The following UNC13C variants were observed in gnomAD, a reference collection of about 807,000 sequenced individuals.
UNC13C encodes the protein protein unc-13 homolog C.
Under a neutral mutation model 245.4 loss-of-function variants are expected in UNC13C, and 174 were observed. That is an observed-to-expected ratio of 0.71 (90% CI 0.63 to 0.80). UNC13C has a LOEUF of 0.80. UNC13C is among the 30% of genes least tolerant of loss of function. The pLI, the probability that UNC13C is intolerant of heterozygous loss-of-function variation, is 0.00. For missense variants in UNC13C, 2,829 were observed against 2,602.9 expected, an observed-to-expected ratio of 1.09 and a Z score of -1.89; for synonymous variants, 992 against 895.1, an observed-to-expected ratio of 1.11 and a Z score of -1.93.
At chr15:54,464,842 T>C (rs1892081468) in intron 19 of UNC13C, among the ~76,000 whole-genome samples, 1 of 151,974 alleles carries the variant, frequency 6.6e-6, no homozygotes, top group African/African-American at 2.4e-5. Flanking sequence ...GGAATGCTTT[T>C]AAATGATAAA....
chr15:54,043,857 G>GC (rs1939458389), intron 2 of UNC13C, among the ~76,000 whole-genome samples: 1 of 152,090 alleles, frequency 6.6e-6, no homozygotes, highest in African/African-American at 2.4e-5. Context: ...TTCCCTTTGG[G>GC]CCTTGTATCA....
intron 17 of UNC13C, among the ~76,000 whole-genome samples, chr15:54,390,025 G>A (rs1206474780): frequency 6.6e-6 from 1 of 152,034 alleles, no homozygotes; most frequent in Non-Finnish European, 1.5e-5. Flanking sequence ...CACTGCGCCC[G>A]GCCCGTCTTT....
intron 4 of UNC13C, among the ~76,000 whole-genome samples, chr15:54,196,765 A>T (rs2034366454): frequency 2.0e-5 from 3 of 152,218 alleles, no homozygotes; most frequent in Admixed American, 2.0e-4. Flanking sequence ...TTCAAGACTA[A>T]AAGTCCTTCA....
At chr15:54,300,112 G>A (rs878963335) in intron 12 of UNC13C, 98 bp from the exon 13 acceptor site, 2 of 1,068,808 alleles carry the variant, frequency 1.9e-6, no homozygotes, top group Admixed American at 2.6e-5. Context: ...AACATTAGAG[G>A]CAATGACAGT....
intron 4 of UNC13C, among the ~76,000 whole-genome samples, chr15:54,212,734 C>G (rs777605671): frequency 6.6e-6 from 1 of 152,018 alleles, no homozygotes; most frequent in African/African-American, 2.4e-5. Flanking sequence ...GTTTGACAGT[C>G]GCTAGCAGAG....
chr15:54,621,046 C>A (rs1900767294), intron 30 of UNC13C, among the ~76,000 whole-genome samples: 2 of 152,104 alleles, frequency 1.3e-5, no homozygotes, highest in African/African-American at 4.8e-5. Flanking sequence ...GTCTTCCAGT[C>A]CTTTTATCAT....
At chr15:54,345,838 T>C (rs2038847540) in intron 17 of UNC13C, among the ~76,000 whole-genome samples, 1 of 152,170 alleles carries the variant, frequency 6.6e-6, no homozygotes, top group Non-Finnish European at 1.5e-5. Context: ...TGATTATCAC[T>C]CCTGACTTCA....
chr15:54,440,314 G>C (rs1567273237), intron 19 of UNC13C, among the ~76,000 whole-genome samples: 1 of 151,836 alleles, frequency 6.6e-6, no homozygotes, highest in Non-Finnish European at 1.5e-5. Flanking sequence ...CCAGCCTTGG[G>C]TATTTCTTTA....
At chr15:54,623,982 CTACCAGGCAATAGTTACTG>C in intron 32 of UNC13C, 28 bp downstream of exon 32, 1 of 1,611,826 alleles carries the variant, frequency 6.2e-7, no homozygotes, top group Non-Finnish European at 8.5e-7. Flanking sequence ...CTTACTTATT[CTACCAGGCAATAGTTACTG>C]TACAGCTGAC....
chr15:53,963,043 G>A, the UNC13C span, among the ~76,000 whole-genome samples: 1 of 152,172 alleles, frequency 6.6e-6, no homozygotes, highest in Non-Finnish European at 1.5e-5. Context: ...CAGAGGTCAG[G>A]AAGCTGATTC....
chr15:54,015,492 T>C lies in UNC13C; in HGVS notation c.2589T>C (p.Asp863=). 6.2e-7 allele frequency: 1 copy of C among 1,612,698 alleles called. No individual in the cohort carries two copies. Among genetic ancestry groups the C allele is most frequent in the Non-Finnish European group, 8.5e-7 (1 of 1,179,058 alleles). Reference sequence around the variant, plus strand: ...AGCCCTATTACTATAAAGCAGAGGATGAGGAAGATTATACTGAACCAGTGG... The same window carrying C: ...AGCCCTATTACTATAAAGCAGAGGACGAGGAAGATTATACTGAACCAGTGG... ...YTEPYYYKAE[D]EEDYTEPVAD... The change falls in exon 2 of 33, where the codon GAT becomes GAC. Residue 863 remains aspartate, a synonymous_variant. Transcript: ENST00000260323.
chr15:54,037,650 T>G (rs80299973), intron 2 of UNC13C, among the ~76,000 whole-genome samples: 3,978 of 152,226 alleles, frequency 0.026, 170 homozygotes, highest in African/African-American at 0.091. Context: ...ATTTGATTGG[T>G]CTGTTTTTGG....
chr15:54,317,922 A>G (rs2038051560), intron 13 of UNC13C, among the ~76,000 whole-genome samples: 1 of 151,740 alleles, frequency 6.6e-6, no homozygotes, highest in African/African-American at 2.4e-5. Flanking sequence ...TCTAGTAACT[A>G]CCTTTCAACT....
rs2033283444 is a variant in UNC13C at position 54,168,913 on chromosome 15, ATC to A, written c.3071+25230_3071+25231del. Reference sequence around the variant, plus strand: ...ATGCAATTAGCAATAATCACCAAGAATCAATAAAAGTGATTAATAAAATGGAA... The same window carrying A: ...ATGCAATTAGCAATAATCACCAAGAAAATAAAAGTGATTAATAAAATGGAA... On this transcript the variant is annotated intron_variant, in intron 4 of 32. Transcript: ENST00000260323. Among the ~76,000 whole-genome samples, 3 of 152,224 alleles carry A rather than the reference ATC, an allele frequency of 2.0e-5. 1 individual carries two copies. Among genetic ancestry groups the A allele is most frequent in the African/African-American group, 7.2e-5 (3 of 41,466 alleles).
intron 19 of UNC13C, among the ~76,000 whole-genome samples, chr15:54,492,373 T>C (rs1893754266): frequency 6.6e-6 from 1 of 152,138 alleles, no homozygotes; most frequent in South Asian, 2.1e-4. Flanking sequence ...ATCATTTGAA[T>C]ACAGCTAAAA....
At chr15:54,533,628 C>T (rs1895858025) in intron 26 of UNC13C, among the ~76,000 whole-genome samples, 1 of 152,182 alleles carries the variant, frequency 6.6e-6, no homozygotes, top group African/African-American at 2.4e-5. Flanking sequence ...ATGGAGATTA[C>T]AGTTTAATAG....
intron 2 of UNC13C, among the ~76,000 whole-genome samples, chr15:54,141,600 T>C (rs762317873): frequency 6.6e-6 from 1 of 152,122 alleles, no homozygotes; most frequent in African/African-American, 2.4e-5. Context: ...AATTAAGATA[T>C]ATATTTTCTG....
intron 18 of UNC13C, among the ~76,000 whole-genome samples, chr15:54,404,172 G>A (rs888825428): frequency 1.3e-5 from 2 of 152,108 alleles, no homozygotes; most frequent in Admixed American, 6.6e-5. Flanking sequence ...ATGCATACAC[G>A]ACAGGCAGTT....
intron 2 of UNC13C, among the ~76,000 whole-genome samples, chr15:54,137,233 C>A (rs8024077): frequency 0.024 from 3,717 of 152,204 alleles, 155 homozygotes; most frequent in African/African-American, 0.08. Context: ...TTTTACTGTG[C>A]CATTGAATTT....
Sources: gnomAD v4.1 joint callset for allele counts (sites outside exome capture counted in the v4.1 genomes callset) on GRCh38, gnomAD v4.1.1 for gene constraint, MANE v1.5 for transcripts, NCBI Gene and HGNC (gene_info 2026-07-23, HGNC 2026-07-21) for gene names.